The following TBC1D5 variants were observed in gnomAD, a reference collection of about 807,000 sequenced individuals.
The protein encoded by TBC1D5 is TBC1 domain family member 5.
Under a neutral mutation model 100.3 loss-of-function variants are expected in TBC1D5, and 75 were observed. The observed-to-expected ratio is 0.75, with a 90% CI of 0.62 to 0.91. TBC1D5 has a LOEUF of 0.91. Among genes scored for constraint, TBC1D5 ranks in the 40% least tolerant of loss-of-function variants. TBC1D5 has a pLI of 0.00. For synonymous variants in TBC1D5, 323 were observed against 325.6 expected (o/e 0.99, Z 0.09); for missense variants, 910 against 942.4 (o/e 0.97, Z 0.45).
chr3:17,694,233 A>G (rs938311144), intron 1 of TBC1D5, among the ~76,000 whole-genome samples: 10 of 152,244 alleles, frequency 6.6e-5, no homozygotes, highest in Admixed American at 2.0e-4. Flanking sequence ...ATAAAGCTGT[A>G]CAGAGAACGA....
intron 17 of TBC1D5, among the ~76,000 whole-genome samples, chr3:17,221,464 TG>T (rs985838464): frequency 1.1e-4 from 16 of 151,882 alleles, no homozygotes; most frequent in Non-Finnish European, 8.8e-5. Context: ...GTCCCCAGTG[TG>T]TGATGTTCCC....
At chr3:17,742,059 C>G (rs887560896), upstream of TBC1D5, among the ~76,000 whole-genome samples, 37 of 152,116 alleles carry the variant, frequency 2.4e-4, no homozygotes, top group Non-Finnish European at 4.9e-4. Flanking sequence ...GAGCACTAGT[C>G]CAGCCGCCAG....
chr3:17,417,277 G>C (rs184222260), intron 4 of TBC1D5, among the ~76,000 whole-genome samples: 25 of 151,688 alleles, frequency 1.6e-4, no homozygotes, highest in African/African-American at 5.8e-4. Flanking sequence ...TGCCATGCTG[G>C]TGTGCTGCAC....
chr3:17,704,494 G>A (rs2073696706), intron 1 of TBC1D5, among the ~76,000 whole-genome samples: 1 of 131,248 alleles, frequency 7.6e-6, no homozygotes. Flanking sequence ...CCCAGTAGGG[G>A]CGGCCGGGCA....
At chr3:17,608,113 C>G (rs2061448825) in intron 2 of TBC1D5, among the ~76,000 whole-genome samples, 1 of 152,002 alleles carries the variant, frequency 6.6e-6, no homozygotes, top group African/African-American at 2.4e-5. Flanking sequence ...AAAAATTAAC[C>G]AGGCATGGTG....
chr3:17,686,829 T>C (rs1252973173), intron 1 of TBC1D5, among the ~76,000 whole-genome samples: 2 of 152,250 alleles, frequency 1.3e-5, no homozygotes. Context: ...TGACATCTAG[T>C]GGGTAGAGGT....
chr3:17,566,726 C>G (rs1012264984), intron 2 of TBC1D5, among the ~76,000 whole-genome samples: 5 of 151,784 alleles, frequency 3.3e-5, no homozygotes, highest in Admixed American at 2.0e-4. Flanking sequence ...TGCATATATA[C>G]ATAAATAAAA....
intron 2 of TBC1D5, among the ~76,000 whole-genome samples, chr3:17,585,645 C>A (rs1013402372): frequency 6.6e-6 from 1 of 152,126 alleles, no homozygotes; most frequent in African/African-American, 2.4e-5. Flanking sequence ...CTTTTACTCT[C>A]CCAACAAATC....
chr3:17,740,776 T>C (rs2077362879), exon 1 of TBC1D5: 2 of 152,232 alleles, frequency 1.3e-5, no homozygotes, highest in Admixed American at 1.3e-4. Context: ...TCATCTCAGC[T>C]GTACACTCAG....
intron 17 of TBC1D5, 145 bp downstream of exon 17, chr3:17,238,018 T>G: frequency 1.7e-6 from 2 of 1,205,886 alleles, no homozygotes; most frequent in South Asian, 3.3e-5. Flanking sequence ...ACACGGTATC[T>G]AGTATTCCAA....
chr3:17,713,278 G>A (rs1049830959), intron 1 of TBC1D5, among the ~76,000 whole-genome samples: 2 of 140,616 alleles, frequency 1.4e-5, no homozygotes. Context: ...GTCTCGCTCT[G>A]TCATCCAGGC....
chr3:17,565,507 A>G (rs143844834), intron 2 of TBC1D5, among the ~76,000 whole-genome samples: 144 of 152,238 alleles, frequency 9.5e-4, no homozygotes, highest in Middle Eastern at 3.4e-3. Context: ...CCAAAGGGCA[A>G]AGTGATATGC....
chr3:17,160,969 G>A (rs1483079802), exon 22 of TBC1D5: 1 of 1,613,276 alleles, frequency 6.2e-7, no homozygotes, highest in Non-Finnish European at 8.5e-7. Flanking sequence ...GTGGTCAGAT[G>A]TCCAGGGGAC....
chr3:17,191,516 CAT>C (rs1484737133), intron 18 of TBC1D5, among the ~76,000 whole-genome samples: 1 of 152,198 alleles, frequency 6.6e-6, no homozygotes, highest in Non-Finnish European at 1.5e-5. Flanking sequence ...AACATGCACA[CAT>C]ATGGGCATAG....
intron 1 of TBC1D5, among the ~76,000 whole-genome samples, chr3:17,713,109 C>T (rs1053815164): frequency 6.6e-6 from 1 of 152,090 alleles, no homozygotes; most frequent in African/African-American, 2.4e-5. Context: ...TTTCTTTACT[C>T]GCGTATTTTT....
chr3:17,204,798 A>G (rs186080284), intron 18 of TBC1D5, among the ~76,000 whole-genome samples: 23 of 152,334 alleles, frequency 1.5e-4, no homozygotes, highest in Admixed American at 5.9e-4. Context: ...CCTGTTTACA[A>G]AAGCTAAATT....
At chr3:17,516,120 G>A (rs977326367) in intron 2 of TBC1D5, among the ~76,000 whole-genome samples, 1 of 152,098 alleles carries the variant, frequency 6.6e-6, no homozygotes, top group Non-Finnish European at 1.5e-5. Flanking sequence ...TTCCTCCTGA[G>A]GAGGCCTTTC....
At chr3:17,598,012 C>G (rs2060687250) in intron 2 of TBC1D5, among the ~76,000 whole-genome samples, 1 of 151,638 alleles carries the variant, frequency 6.6e-6, no homozygotes, top group African/African-American at 2.4e-5. Flanking sequence ...CCCCCCGCCC[C>G]CCAACCCCAG....
At chr3:17,677,611 A>C (rs538978799) in intron 1 of TBC1D5, among the ~76,000 whole-genome samples, 1 of 152,364 alleles carries the variant, frequency 6.6e-6, no homozygotes, top group East Asian at 1.9e-4. Context: ...ACCCAGAACT[A>C]GAAATGCCAT....
Sources: gnomAD v4.1 joint callset for allele counts (sites outside exome capture counted in the v4.1 genomes callset) on GRCh38, gnomAD v4.1.1 for gene constraint, MANE v1.5 for transcripts, NCBI Gene and HGNC (gene_info 2026-07-23, HGNC 2026-07-21) for gene names.